SANBR: variants seen among roughly 807,000 people sequenced by gnomAD.
The protein encoded by SANBR is SANT and BTB domain regulator of class switch recombination.
In SANBR, 77 loss-of-function variants were observed where a neutral mutation model predicts 101.8. The ratio of observed to expected loss-of-function variants is 0.76; its 90% CI spans 0.63 to 0.91. The LOEUF (loss-of-function observed/expected upper bound fraction) is 0.91, where lower values mean the gene tolerates loss of function less well. SANBR is among the 40% of genes least tolerant of loss of function. The probability of loss-of-function intolerance (pLI) is 0.00; values close to 1 mark genes in which losing one functional copy is unlikely to be tolerated. For synonymous variants in SANBR, 279 were observed against 274.7 expected (o/e 1.02, Z -0.15); for missense variants, 875 against 853.0 (o/e 1.03, Z -0.32).
At chr2:61,068,402 A>C (rs1681290996) in intron 1 of SANBR, among the ~76,000 whole-genome samples, 1 of 152,238 alleles carries the variant, frequency 6.6e-6, no homozygotes, top group South Asian at 2.1e-4. Flanking sequence ...TTTTTGTGCC[A>C]ATAATGGCCA....
Position 61,083,233 on chromosome 2 carries a change from C to T in SANBR, c.809C>T (p.Ala270Val). The T allele has an allele frequency of 1.9e-6, 3 of 1,609,690 alleles. No homozygotes were observed. Among genetic ancestry groups the T allele is most frequent in the Non-Finnish European group, 2.6e-6 (3 of 1,176,132 alleles). ...CCATGCAACATGAACTGTATTAATG[C>T]AAATCTTCTCACACGTATAGCTGAT... ...ATPCNMNCIN[A>V]NLLTRIADLF... Residue 270 changes from alanine to valine, a missense_variant, in exon 8 of 22, where the codon GCA becomes GTA. Coordinates refer to ENST00000402291, the MANE Select transcript of SANBR (RefSeq NM_001129993.3).
At chr2:61,100,028 A>G (rs1317328567) in intron 12 of SANBR, among the ~76,000 whole-genome samples, 1 of 152,160 alleles carries the variant, frequency 6.6e-6, no homozygotes, top group Non-Finnish European at 1.5e-5. Context: ...TATAAATGAC[A>G]TTTCTTTTGG....
At chr2:61,126,113 G>A (rs1466747271), downstream of SANBR, among the ~76,000 whole-genome samples, 1 of 152,146 alleles carries the variant, frequency 6.6e-6, no homozygotes, top group Non-Finnish European at 1.5e-5. Context: ...AACAGAACTT[G>A]TGATATCTCT....
chr2:61,128,269 C>CT (rs1423928833), downstream of SANBR, among the ~76,000 whole-genome samples: 1,090 of 139,928 alleles, frequency 7.8e-3, 17 homozygotes, highest in African/African-American at 0.029. Context: ...GAGACTCTGT[C>CT]TCAAAAAAAA....
chr2:61,076,377 G>A (rs1351792229), intron 5 of SANBR, among the ~76,000 whole-genome samples: 1 of 149,694 alleles, frequency 6.7e-6, no homozygotes, highest in African/African-American at 2.4e-5. Context: ...CAGCACTTTG[G>A]GAGGCCAAGG....
intron 6 of SANBR, 93 bp downstream of exon 6, chr2:61,077,251 G>C (rs1573593706): frequency 2.4e-6 from 2 of 847,250 alleles, no homozygotes; most frequent in East Asian, 4.8e-5. Context: ...AAATTGTTTG[G>C]ACACCGGTGT....
chr2:61,102,029 C>A (rs1683310453), intron 12 of SANBR, among the ~76,000 whole-genome samples: 1 of 151,576 alleles, frequency 6.6e-6, no homozygotes, highest in Non-Finnish European at 1.5e-5. Context: ...AAGACTCCAT[C>A]TCAAAAAAAC....
chr2:61,109,048 T>A, intron 15 of SANBR, 149 bp from the exon 16 acceptor site: 1 of 411,696 alleles, frequency 2.4e-6, no homozygotes, highest in Non-Finnish European at 4.3e-6. Flanking sequence ...AATTCTTATG[T>A]CTATTTCCTG....
At chr2:61,115,789 A>AT (rs1286655698) in intron 16 of SANBR, 190 bp from the exon 17 acceptor site, 1 of 436,264 alleles carries the variant, frequency 2.3e-6, no homozygotes, top group Non-Finnish European at 4.1e-6. Context: ...CTGTAAAGCA[A>AT]TTTCAGCTTA....
At chr2:61,124,438 G>A (rs563511391), downstream of SANBR, among the ~76,000 whole-genome samples, 2 of 152,232 alleles carry the variant, frequency 1.3e-5, no homozygotes, top group Admixed American at 6.5e-5. Flanking sequence ...AGTGGCTTAC[G>A]TCTGCAATCC....
At chr2:61,131,504 A>T (rs1684688505) in intron 20 of SANBR, among the ~76,000 whole-genome samples, 1 of 152,242 alleles carries the variant, frequency 6.6e-6, no homozygotes, top group Non-Finnish European at 1.5e-5. Flanking sequence ...TTCTGAAAAC[A>T]TTCAAATAAA....
chr2:61,092,448 G>T lies in SANBR; in HGVS notation c.1089-16G>T, dbSNP rs1382864600. ...GTTTATATCACTTGCTTGTAAAATT[G>T]AGGCTCTTTCTCCAGAGATAAGACA... is the stretch of plus-strand genomic sequence containing the variant. On this transcript the variant is annotated splice_polypyrimidine_tract_variant and intron_variant, in intron 10 of 21. Transcript: ENST00000402291. 1 of 1,518,484 alleles carries T rather than the reference G, an allele frequency of 6.6e-7. No homozygotes were observed. Among genetic ancestry groups the T allele is most frequent in the Non-Finnish European group, 8.8e-7 (1 of 1,136,176 alleles). 94.1% of individuals were successfully genotyped at this position (1,518,484 alleles called of 1,614,324 possible). A position where few individuals can be genotyped will look rare whatever the true frequency, so the allele number is the denominator to read the frequency against.
At chr2:61,080,449 G>T (rs930674267) in intron 6 of SANBR, among the ~76,000 whole-genome samples, 2 of 151,892 alleles carry the variant, frequency 1.3e-5, no homozygotes, top group African/African-American at 4.8e-5. Flanking sequence ...TTCACCGGGC[G>T]TGGTGGCTCA....
intron 11 of SANBR, among the ~76,000 whole-genome samples, chr2:61,096,867 C>T (rs182452258): frequency 6.6e-6 from 1 of 152,182 alleles, no homozygotes; most frequent in East Asian, 1.9e-4. Context: ...AAAAATGCAT[C>T]AAGGGGCCAG....
chr2:61,117,225 G>A (rs1684116401), intron 17 of SANBR, 132 bp from the exon 18 acceptor site: 8 of 823,110 alleles, frequency 9.7e-6, no homozygotes, highest in Non-Finnish European at 2.1e-6. Context: ...AGGTTTAAAT[G>A]AAATAGCACT....
chr2:61,134,217 A>G, exon 21 of SANBR: 3 of 1,608,864 alleles, frequency 1.9e-6, no homozygotes, highest in Non-Finnish European at 2.5e-6. Context: ...TCTTGATGAC[A>G]GTGTTGCTGT....
chr2:61,087,395 G>C (rs1559095639), intron 8 of SANBR, among the ~76,000 whole-genome samples: 1 of 136,508 alleles, frequency 7.3e-6, no homozygotes, highest in Non-Finnish European at 1.6e-5. Context: ...AATCTCTACA[G>C]ATTTTTTTTT....
In SANBR at chr2:61,106,601, A is replaced by G. The variant is rs1167928206; in HGVS notation, c.1550A>G (p.Glu517Gly). ...GGCCTCTGTGATGAAAAGGGTATAG[A>G]ATGTGATGTTTTACTGGAGCCAAAT... ...GVGLCDEKGI[E>G]CDVLLEPNTP... The change falls in exon 14 of 22, where the codon GAA becomes GGA. Residue 517 changes from glutamate (E) to glycine (G), a missense_variant. By Grantham distance (98) the Glu-to-Gly change is moderately conservative. Transcript: ENST00000402291. 6.2e-7 allele frequency: 1 copy of G among 1,602,426 alleles called. No homozygotes were observed. The highest frequency in any genetic ancestry group is 1.3e-5 in the African/African-American group (1 of 74,168).
chr2:61,086,219 A>C (rs1682420967), intron 8 of SANBR, among the ~76,000 whole-genome samples: 1 of 151,974 alleles, frequency 6.6e-6, no homozygotes. Flanking sequence ...GCTGGAGGGT[A>C]GTGGTACAGC....
Sources: allele counts gnomAD v4.1 joint callset (sites outside exome capture counted in the v4.1 genomes callset), GRCh38; gene constraint gnomAD v4.1.1; transcripts MANE v1.5; gene names NCBI Gene and HGNC (gene_info 2026-07-23, HGNC 2026-07-21).